Variants in ATP8A2 observed in about 807,000 individuals in gnomAD.
ATP8A2 encodes phospholipid-transporting ATPase IB.
In ATP8A2, 100 loss-of-function variants were observed where a neutral mutation model predicts 165.6. The ratio of observed to expected loss-of-function variants is 0.60; its 90% confidence interval spans 0.51 to 0.71. The LOEUF (loss-of-function observed/expected upper bound fraction) is 0.71, where lower values mean the gene tolerates loss of function less well. Among genes scored for constraint, ATP8A2 ranks in the 30% least tolerant of loss-of-function variants. ATP8A2 has a pLI of 0.00. For missense variants in ATP8A2, 1,227 were observed against 1,479.5 expected (o/e 0.83, Z 2.80); for synonymous variants, 543 against 548.8 (o/e 0.99, Z 0.15).
intron 27 of ATP8A2, among the ~76,000 whole-genome samples, chr13:25,808,512 T>A (rs1265220953): frequency 6.6e-6 from 1 of 151,020 alleles, no homozygotes. Flanking sequence ...GGCAGGAGAA[T>A]CACTTGAACT....
At chr13:25,980,769 G>A (rs1956158108) in intron 35 of ATP8A2, among the ~76,000 whole-genome samples, 1 of 152,156 alleles carries the variant, frequency 6.6e-6, no homozygotes, top group Non-Finnish European at 1.5e-5. Context: ...TACTCAAGAG[G>A]CTGAGGCAGG....
chr13:25,657,018 A>G (rs1264274889), intron 24 of ATP8A2, among the ~76,000 whole-genome samples: 2 of 125,204 alleles, frequency 1.6e-5, no homozygotes, highest in Admixed American at 1.1e-4. Context: ...GCACCACTGC[A>G]CTCTAGCCTG....
rs1320906304 is a variant in ATP8A2 at position 25,470,850 on chromosome 13, A to T, written c.221+1729A>T. On this transcript the variant is annotated intron_variant, in intron 2 of 36. Transcript: ENST00000381655. ...TTGAAAGCATTATGCTAAGTGGAAG[A>T]AGCCAGTCACAAAAGGCCTCATAGT... Among the ~76,000 whole-genome samples the T allele has an allele frequency of 2.6e-5, 4 of 152,358 alleles. No individual in the cohort carries two copies. The South Asian group carries it at 6.2e-4, about 24-fold the overall frequency.
intron 33 of ATP8A2, among the ~76,000 whole-genome samples, chr13:25,891,550 C>G (rs1222927733): frequency 6.6e-6 from 1 of 152,064 alleles, no homozygotes; most frequent in African/African-American, 2.4e-5. Flanking sequence ...CTCGAACTCC[C>G]TGACCTCAGG....
At chr13:25,455,024 G>A (rs1436311583) in intron 1 of ATP8A2, among the ~76,000 whole-genome samples, 1 of 152,216 alleles carries the variant, frequency 6.6e-6, no homozygotes, top group East Asian at 1.9e-4. Context: ...TGTTAGAGTG[G>A]CTGGTGTTTC....
intron 24 of ATP8A2, among the ~76,000 whole-genome samples, chr13:25,612,329 T>C (rs1029870385): frequency 9.2e-5 from 14 of 152,162 alleles, no homozygotes; most frequent in Admixed American, 9.2e-4. Context: ...TTTGATAGGT[T>C]GTACCACTGT....
At chr13:25,388,448 C>A (rs1424687112) in intron 1 of ATP8A2, among the ~76,000 whole-genome samples, 1 of 152,154 alleles carries the variant, frequency 6.6e-6, no homozygotes, top group Non-Finnish European at 1.5e-5. Flanking sequence ...CAATTCCTGT[C>A]CCTTTTAAGG....
chr13:25,656,460 G>A (rs924523845), intron 24 of ATP8A2, among the ~76,000 whole-genome samples: 1 of 151,762 alleles, frequency 6.6e-6, no homozygotes, highest in Non-Finnish European at 1.5e-5. Context: ...ATTTTTAATA[G>A]AGACAAAGTT....
At chr13:25,617,775 G>T (rs984141138) in intron 24 of ATP8A2, among the ~76,000 whole-genome samples, 1 of 152,018 alleles carries the variant, frequency 6.6e-6, no homozygotes, top group Non-Finnish European at 1.5e-5. Flanking sequence ...AAAAATTCAC[G>T]CAGTTCTGGG....
intron 25 of ATP8A2, among the ~76,000 whole-genome samples, chr13:25,705,592 G>C (rs1296406857): frequency 6.6e-6 from 1 of 152,198 alleles, no homozygotes; most frequent in South Asian, 2.1e-4. Context: ...TTTGAAAACA[G>C]GAGAGAGAAA....
At chr13:25,481,677 A>G (rs1016685374) in intron 2 of ATP8A2, among the ~76,000 whole-genome samples, 12 of 152,200 alleles carry the variant, frequency 7.9e-5, no homozygotes, top group Admixed American at 2.6e-4. Context: ...TCGTCTTCTC[A>G]TAGTTCTAGA....
At chr13:25,385,356 TG>T (rs2033001676) in intron 1 of ATP8A2, among the ~76,000 whole-genome samples, 1 of 152,198 alleles carries the variant, frequency 6.6e-6, no homozygotes, top group African/African-American at 2.4e-5. Flanking sequence ...TGGGTATCTT[TG>T]GGGAAGTTAC....
At chr13:25,454,138 C>A (rs2035299935) in intron 1 of ATP8A2, among the ~76,000 whole-genome samples, 1 of 152,116 alleles carries the variant, frequency 6.6e-6, no homozygotes, top group Non-Finnish European at 1.5e-5. Flanking sequence ...GCATGTCACT[C>A]AGGGGCGAAC....
intron 34 of ATP8A2, among the ~76,000 whole-genome samples, chr13:25,965,328 A>AC (rs1955753551): frequency 6.6e-6 from 1 of 152,210 alleles, no homozygotes; most frequent in African/African-American, 2.4e-5. Context: ...GTAAGAAAAG[A>AC]GAACCAGAAT....
intron 2 of ATP8A2, among the ~76,000 whole-genome samples, chr13:25,503,635 C>T (rs751037726): frequency 2.6e-5 from 4 of 152,160 alleles, no homozygotes; most frequent in Non-Finnish European, 5.9e-5. Context: ...TAATTAAACA[C>T]TCTGTATATT....
chr13:25,497,599 TATC>T (rs1402363146), intron 2 of ATP8A2, among the ~76,000 whole-genome samples: 1 of 152,174 alleles, frequency 6.6e-6, no homozygotes, highest in South Asian at 2.1e-4. Context: ...AGCAAATATC[TATC>T]ATTTAGACCA....
intron 28 of ATP8A2, among the ~76,000 whole-genome samples, chr13:25,833,048 C>A (rs1020772232): frequency 6.6e-6 from 1 of 150,634 alleles, no homozygotes; most frequent in South Asian, 2.1e-4. Context: ...AATCAATAGC[C>A]TTTTTCTAGC....
chr13:25,775,565 G>A (rs978907829), intron 27 of ATP8A2, among the ~76,000 whole-genome samples: 2 of 152,156 alleles, frequency 1.3e-5, no homozygotes, highest in Non-Finnish European at 2.9e-5. Context: ...TTTCCAAGAT[G>A]CTGATTCAGT....
At chr13:25,735,791 G>A (rs1408943920) in intron 25 of ATP8A2, among the ~76,000 whole-genome samples, 1 of 152,152 alleles carries the variant, frequency 6.6e-6, no homozygotes, top group African/African-American at 2.4e-5. Flanking sequence ...TAATGTCATA[G>A]TGCAAATACT....
Sources: allele counts gnomAD v4.1 joint callset (sites outside exome capture counted in the v4.1 genomes callset), GRCh38; gene constraint gnomAD v4.1.1; transcripts MANE v1.5; gene names NCBI Gene and HGNC (gene_info 2026-07-23, HGNC 2026-07-21).